The following GCNT2 variants were observed in gnomAD, a reference collection of about 807,000 sequenced individuals.
GCNT2 encodes glucosaminyl (N-acetyl) transferase 2 (I blood group).
In GCNT2, 34 loss-of-function variants were observed where a neutral mutation model predicts 34.2. The ratio of observed to expected loss-of-function variants is 1.00; its 90% confidence interval spans 0.76 to 1.32. GCNT2 has a LOEUF of 1.32. GCNT2 is among the 40% of genes most tolerant of loss of function. GCNT2 has a pLI of 0.00. For missense variants in GCNT2, 584 were observed against 489.4 expected, an observed-to-expected ratio of 1.19 and a Z score of -1.82; for synonymous variants, 212 against 188.0, an observed-to-expected ratio of 1.13 and a Z score of -1.04.
chr6:10,563,964 T>A (rs1036830367), intron 3 of GCNT2, among the ~76,000 whole-genome samples: 1 of 151,948 alleles, frequency 6.6e-6, no homozygotes, highest in African/African-American at 2.4e-5. Context: ...CTGCGAATAT[T>A]CTGAAGATGA....
Position 10,588,938 on chromosome 6 carries a change from G to A in GCNT2, c.926-32413G>A, listed in dbSNP as rs1046246544. 9.7e-5 allele frequency among the ~76,000 whole-genome samples: 14 copies of A among 144,548 alleles called. 1 individual carries two copies. Among genetic ancestry groups the A allele is most frequent in the Middle Eastern group, 7.6e-3 (2 of 264 alleles). The allele number at this position is 144,548 out of a possible 152,430, so 94.8% of individuals were successfully genotyped here. A position where few individuals can be genotyped will look rare whatever the true frequency, so the allele number is the denominator to read the frequency against. ...GTAGTGTGTGGTGTGTTTGTAGTGC[G>A]GTGTGTGTGTTTGTAGTGTGTGTGG... On this transcript the variant is annotated intron_variant, in intron 3 of 4. Coordinates refer to ENST00000495262, the MANE Select transcript of GCNT2 (RefSeq NM_145649.5).
At chr6:10,546,227 A>G (rs1040465180) in intron 3 of GCNT2, among the ~76,000 whole-genome samples, 1 of 152,196 alleles carries the variant, frequency 6.6e-6, no homozygotes, top group African/African-American at 2.4e-5. Context: ...GGCTGAGAGC[A>G]GCTTTGTCCA....
chr6:10,622,627 ATATT>A (rs1431907367), intron 4 of GCNT2, among the ~76,000 whole-genome samples: 4 of 152,052 alleles, frequency 2.6e-5, no homozygotes, highest in Non-Finnish European at 4.4e-5. Flanking sequence ...TATGCAATAA[ATATT>A]TATTTAGTAA....
chr6:10,609,260 A>G (rs1451073643), intron 3 of GCNT2, among the ~76,000 whole-genome samples: 1 of 152,208 alleles, frequency 6.6e-6, no homozygotes, highest in African/African-American at 2.4e-5. Context: ...CAGCAGTGGC[A>G]TCTGGTGAAG....
chr6:10,577,386 G>C (rs1026030855), intron 3 of GCNT2, among the ~76,000 whole-genome samples: 23 of 152,208 alleles, frequency 1.5e-4, no homozygotes, highest in African/African-American at 5.3e-4. Context: ...AGCAGAGTGG[G>C]ATCTGTCACC....
intron 3 of GCNT2, among the ~76,000 whole-genome samples, chr6:10,569,273 A>ACACACACACC (rs1561806920): frequency 6.4e-5 from 9 of 139,704 alleles, no homozygotes; most frequent in African/African-American, 1.9e-4. Flanking sequence ...ACACACACAC[A>ACACACACACC]CCCCCTAGGT....
At chr6:10,524,892 C>G (rs1255608659) in intron 1 of GCNT2, among the ~76,000 whole-genome samples, 1 of 150,808 alleles carries the variant, frequency 6.6e-6, no homozygotes, top group Non-Finnish European at 1.5e-5. Flanking sequence ...TGTTGCCCTT[C>G]AGATTAAAAA....
chr6:10,617,781 G>A (rs1765854988), intron 3 of GCNT2, among the ~76,000 whole-genome samples: 1 of 102,640 alleles, frequency 9.7e-6, no homozygotes, highest in Non-Finnish European at 1.6e-5. Context: ...TTGACACAGG[G>A]TCTCACTCTG....
intron 3 of GCNT2, among the ~76,000 whole-genome samples, chr6:10,579,826 CAAAAAAAAAA>C (rs61490868): frequency 8.9e-5 from 8 of 89,916 alleles, no homozygotes; most frequent in South Asian, 4.0e-4. Flanking sequence ...AAAAAACAAA[CAAAAAAAAAA>C]AAAAAAAAAA....
intron 3 of GCNT2, among the ~76,000 whole-genome samples, chr6:10,545,794 C>CAAA (rs1762240981): frequency 6.6e-6 from 1 of 152,116 alleles, no homozygotes; most frequent in Non-Finnish European, 1.5e-5. Flanking sequence ...CCTTGCTTTT[C>CAAA]AGCTCCCAGG....
At chr6:10,625,575 C>G (rs1407703458) in intron 4 of GCNT2, among the ~76,000 whole-genome samples, 1 of 152,096 alleles carries the variant, frequency 6.6e-6, no homozygotes, top group Admixed American at 6.5e-5. Flanking sequence ...TATCACACAT[C>G]TAGGCAGAGG....
intron 3 of GCNT2, among the ~76,000 whole-genome samples, chr6:10,604,914 TC>T (rs772809901): frequency 2.7e-4 from 41 of 151,246 alleles, no homozygotes; most frequent in Non-Finnish European, 4.9e-4. Flanking sequence ...AAAAAGATGT[TC>T]AATAAAAGAC....
At chr6:10,589,768 C>T (rs370873321) in intron 3 of GCNT2, among the ~76,000 whole-genome samples, 5 of 152,066 alleles carry the variant, frequency 3.3e-5, no homozygotes, top group South Asian at 2.1e-4. Context: ...ACTGATTAAA[C>T]GTGGAGAACA....
intron 3 of GCNT2, among the ~76,000 whole-genome samples, chr6:10,584,269 C>T (rs938397038): frequency 2.0e-5 from 3 of 152,112 alleles, no homozygotes; most frequent in South Asian, 2.1e-4. Context: ...TAAATGTACA[C>T]GTAGGCTAGA....
intron 3 of GCNT2, among the ~76,000 whole-genome samples, chr6:10,587,944 C>T (rs1475026356): frequency 2.0e-5 from 3 of 152,132 alleles, no homozygotes; most frequent in Non-Finnish European, 4.4e-5. Context: ...TACACACCTG[C>T]CTGCCATTCT....
intron 3 of GCNT2, among the ~76,000 whole-genome samples, chr6:10,564,479 C>T (rs1017502089): frequency 6.6e-6 from 1 of 152,174 alleles, no homozygotes; most frequent in Non-Finnish European, 1.5e-5. Context: ...GGCTCAGGCT[C>T]CAGAGTCAGA....
At chr6:10,595,568 C>T (rs1764817586) in intron 3 of GCNT2, among the ~76,000 whole-genome samples, 1 of 151,764 alleles carries the variant, frequency 6.6e-6, no homozygotes, top group African/African-American at 2.4e-5. Flanking sequence ...TGCCACTCTG[C>T]CCGGCCGGTT....
intron 3 of GCNT2, chr6:10,586,747 C>G (rs1345258593): frequency 6.2e-7 from 1 of 1,614,096 alleles, no homozygotes; most frequent in Non-Finnish European, 8.5e-7. Context: ...TTGAAAACTT[C>G]ACCTCCACAT....
intron 3 of GCNT2, among the ~76,000 whole-genome samples, chr6:10,548,382 C>T (rs1762352754): frequency 6.6e-6 from 1 of 152,176 alleles, no homozygotes; most frequent in South Asian, 2.1e-4. Flanking sequence ...GCAACAAGAG[C>T]AAGAGCTTGG....
Sources: allele counts gnomAD v4.1 joint callset (sites outside exome capture counted in the v4.1 genomes callset), GRCh38; gene constraint gnomAD v4.1.1; transcripts MANE v1.5; gene names NCBI Gene and HGNC (gene_info 2026-07-23, HGNC 2026-07-21).